The following RNF149 variants were observed in gnomAD, a reference collection of about 807,000 sequenced individuals.
RNF149 encodes the protein ring finger protein 149.
Under a neutral mutation model 39.0 loss-of-function variants are expected in RNF149, and 21 were observed. That is an observed-to-expected ratio of 0.54 (90% CI 0.38 to 0.77). The LOEUF (loss-of-function observed/expected upper bound fraction) is 0.77. RNF149 is among the 30% of genes least tolerant of loss of function. The pLI is 0.00. For missense variants in RNF149, 493 were observed against 534.9 expected (o/e 0.92, Z 0.77); for synonymous variants, 209 against 213.6 (o/e 0.98, Z 0.19).
At position 101,277,297 on chromosome 2, in the gene RNF149, A is replaced by G. The variant is rs1682382039; in HGVS notation, c.1160-16T>C. The G allele has an allele frequency of 3.1e-6, 5 of 1,609,738 alleles. No homozygotes were observed. Among genetic ancestry groups the G allele is most frequent in the Non-Finnish European group, 4.2e-6 (5 of 1,177,968 alleles). On this transcript the variant is annotated splice_polypyrimidine_tract_variant and intron_variant, in intron 6 of 6. Coordinates refer to ENST00000295317, the MANE Select transcript of RNF149 (RefSeq NM_173647.4). The stretch of plus-strand genomic sequence containing the variant: ...CTGCCGGCTTCTGCAAGAGAGCAAC[A>G]TAAGCTACTCCATCAGAAGAGGGCA...
intron 4 of RNF149, among the ~76,000 whole-genome samples, chr2:101,287,198 T>C (rs1443685792): frequency 1.3e-5 from 2 of 152,084 alleles, no homozygotes; most frequent in Non-Finnish European, 1.5e-5. Context: ...GGTGGACACC[T>C]GTAATCCCAG....
intron 1 of RNF149, among the ~76,000 whole-genome samples, chr2:101,298,968 G>A (rs765954917): frequency 2.6e-5 from 4 of 152,176 alleles, no homozygotes; most frequent in Non-Finnish European, 5.9e-5. Context: ...TGGCCAACAT[G>A]GTGAAACCCC....
chr2:101,297,406 G>T (rs563264101), intron 1 of RNF149, among the ~76,000 whole-genome samples: 2 of 152,212 alleles, frequency 1.3e-5, no homozygotes, highest in East Asian at 3.9e-4. Context: ...ACCCAGGATG[G>T]AGTACAGTGG....
chr2:101,283,225 G>A (rs1682659160), intron 5 of RNF149, among the ~76,000 whole-genome samples: 1 of 152,128 alleles, frequency 6.6e-6, no homozygotes, highest in African/African-American at 2.4e-5. Flanking sequence ...ACTTCAAACA[G>A]GCCTCTTTGG....
At chr2:101,285,705 T>C (rs1682768294) in intron 5 of RNF149, among the ~76,000 whole-genome samples, 1 of 152,226 alleles carries the variant, frequency 6.6e-6, no homozygotes, top group Admixed American at 6.5e-5. Context: ...TTTGTTTTCT[T>C]CACATGTAAA....
At chr2:101,277,368 G>C (rs1682385314) in intron 6 of RNF149, 87 bp from the exon 7 acceptor site, 4 of 1,487,006 alleles carry the variant, frequency 2.7e-6, no homozygotes, top group Admixed American at 2.6e-5. Flanking sequence ...CTCACTTGGA[G>C]ATAATTCAAG....
intron 3 of RNF149, 41 bp from the exon 4 acceptor site, chr2:101,289,096 A>G: frequency 8.6e-7 from 1 of 1,160,442 alleles, no homozygotes; most frequent in South Asian, 1.3e-5. Flanking sequence ...TTCTTGGTAC[A>G]CAGTATATCC....
At chr2:101,291,324 T>C (rs541038038) in intron 3 of RNF149, among the ~76,000 whole-genome samples, 3 of 152,124 alleles carry the variant, frequency 2.0e-5, no homozygotes, top group Non-Finnish European at 4.4e-5. Flanking sequence ...CTAATTTTTG[T>C]ATTTTTAGTA....
downstream of RNF149, among the ~76,000 whole-genome samples, chr2:101,275,263 A>G (rs1226837404): frequency 2.7e-5 from 4 of 147,238 alleles, no homozygotes; most frequent in South Asian, 2.2e-4. Context: ...GACTACAGGC[A>G]CATGCCACCA....
Position 101,308,697 on chromosome 2 carries a change from G to T in RNF149, c.-109C>A. 9.4e-7 allele frequency: 1 copy of T among 1,064,614 alleles called. No homozygotes were observed. The highest frequency in any genetic ancestry group is 1.3e-6 in the Non-Finnish European group (1 of 780,760). 65.9% of individuals were successfully genotyped at this position (1,064,614 alleles called of 1,614,324 possible). The stretch of plus-strand genomic sequence containing the variant: ...ACCGCCGCCCTGGAAGACTGAGGCG[G>T]GGTCGGGGCCGCTGCGCACGCGCAC... On this transcript the variant is annotated 5_prime_UTR_variant, in exon 1 of 7. Transcript: ENST00000295317.
At chr2:101,275,111 G>GTTTTTT (rs1165388203), downstream of RNF149, among the ~76,000 whole-genome samples, 55 of 51,058 alleles carry the variant, frequency 1.1e-3, 1 homozygote, top group Non-Finnish European at 1.2e-3. Flanking sequence ...TAGTATTTCT[G>GTTTTTT]TTTTTTTTTT....
intron 1 of RNF149, among the ~76,000 whole-genome samples, chr2:101,306,779 G>T (rs1683677748): frequency 6.6e-6 from 1 of 152,144 alleles, no homozygotes; most frequent in African/African-American, 2.4e-5. Flanking sequence ...TCTCTCAACT[G>T]ACTACCTTTC....
chr2:101,294,234 G>A (rs1573246134), intron 2 of RNF149, 152 bp from the exon 3 acceptor site: 3 of 514,598 alleles, frequency 5.8e-6, no homozygotes, highest in Non-Finnish European at 1.0e-5. Flanking sequence ...AACTTTTAAT[G>A]GCAAAACTGC....
chr2:101,305,317 T>G (rs557337418), intron 1 of RNF149, among the ~76,000 whole-genome samples: 85 of 152,286 alleles, frequency 5.6e-4, no homozygotes, highest in African/African-American at 2.0e-3. Flanking sequence ...CCTTGTGAAT[T>G]AATTCCATTC....
chr2:101,294,872 A>G, intron 2 of RNF149, 59 bp downstream of exon 2: 1 of 1,309,326 alleles, frequency 7.6e-7, no homozygotes, highest in Non-Finnish European at 1.1e-6. Flanking sequence ...AGGAATATAT[A>G]TGCGGCATAT....
At position 101,281,951 on chromosome 2, in the gene RNF149, T is replaced by A. The variant is rs1682608954; in HGVS notation, c.1067A>T (p.Asp356Val). 5.0e-6 allele frequency: 8 copies of A among 1,614,000 alleles called. No individual in the cohort carries two copies. Among genetic ancestry groups the A allele is most frequent in the Non-Finnish European group, 6.8e-6 (8 of 1,179,928 alleles). The change falls in exon 6 of 7, where the codon GAC becomes GTC. Residue 356 changes from aspartate to valine, a missense_variant. By Grantham distance (152) the Asp-to-Val change is radical. Coordinates refer to ENST00000295317, the MANE Select transcript of RNF149 (RefSeq NM_173647.4). Reference sequence around the variant, plus strand: ...AGGGGAGGCTGATGGTGGACTGCTGTCATCACTTCCGTCATCATCTGGTAA... The same window carrying A: ...AGGGGAGGCTGATGGTGGACTGCTGACATCACTTCCGTCATCATCTGGTAA... Reference protein sequence around the residue: ...LALPDDDGSDDSSPPSASPAE... With the variant: ...LALPDDDGSDVSSPPSASPAE...
chr2:101,295,071 G>T lies in RNF149; in HGVS notation c.571C>A (p.His191Asn). The T allele has an allele frequency of 6.2e-7, 1 of 1,614,126 alleles. No homozygotes were observed. The highest frequency in any genetic ancestry group is 8.5e-7 in the Non-Finnish European group (1 of 1,180,012). ...VTMTIGVGTR[H>N]VQEFISGQSV... ...TGACCGCTGATGAACTCCTGTACAT[G>T]CCGGGTGCCAACCCCTATGGTCATC... The change falls in exon 2 of 7, where the codon CAT becomes AAT. Residue 191 changes from histidine to asparagine, a missense_variant. His to Asn is a moderately conservative substitution (Grantham distance 68). Coordinates refer to ENST00000295317, the MANE Select transcript of RNF149 (RefSeq NM_173647.4).
At chr2:101,300,509 T>G (rs1273202638) in intron 1 of RNF149, among the ~76,000 whole-genome samples, 1 of 152,184 alleles carries the variant, frequency 6.6e-6, no homozygotes, top group East Asian at 1.9e-4. Context: ...AAATTATTAT[T>G]TTTTAAAAAC....
At chr2:101,273,645 T>A (rs1682224031), downstream of RNF149, among the ~76,000 whole-genome samples, 1 of 152,066 alleles carries the variant, frequency 6.6e-6, no homozygotes, top group Non-Finnish European at 1.5e-5. Flanking sequence ...GCTAATTTTT[T>A]AAATTTTTAG....
Sources: gnomAD v4.1 joint callset for allele counts (sites outside exome capture counted in the v4.1 genomes callset) on GRCh38, gnomAD v4.1.1 for gene constraint, MANE v1.5 for transcripts, NCBI Gene and HGNC (gene_info 2026-07-23, HGNC 2026-07-21) for gene names.